The following GALNT2 variants were observed in gnomAD, a reference collection of about 807,000 sequenced individuals.
GALNT2 encodes polypeptide N-acetylgalactosaminyltransferase 2, also known as UDP-GalNAc:polypeptide N-acetylgalactosaminyltransferase 2.
In GALNT2, 31 loss-of-function variants were observed where a neutral mutation model predicts 81.4. The observed-to-expected ratio is 0.38, with a 90% CI of 0.29 to 0.51. GALNT2 has a LOEUF of 0.51. Among genes scored for constraint, GALNT2 ranks in the 20% least tolerant of loss-of-function variants. The probability of loss-of-function intolerance (pLI) is 0.87; values close to 1 mark genes in which losing one functional copy is unlikely to be tolerated. For missense variants in GALNT2, 629 were observed against 765.7 expected (o/e 0.82, Z 2.11); for synonymous variants, 303 against 287.4 (o/e 1.05, Z -0.55).
intron 3 of GALNT2, among the ~76,000 whole-genome samples, chr1:230,221,788 A>G (rs374427495): frequency 3.6e-4 from 55 of 152,228 alleles, no homozygotes; most frequent in African/African-American, 1.2e-3. Context: ...CAGTTTTTCT[A>G]TGCTTTACTT....
intron 1 of GALNT2, among the ~76,000 whole-genome samples, chr1:230,122,943 AATAACTT>A (rs1661064212): frequency 6.6e-6 from 1 of 152,108 alleles, no homozygotes; most frequent in Admixed American, 6.5e-5. Flanking sequence ...CCTTGTTATT[AATAACTT>A]GCTTGGGGCT....
At chr1:230,113,716 C>G (rs980544512) in intron 1 of GALNT2, among the ~76,000 whole-genome samples, 1 of 152,086 alleles carries the variant, frequency 6.6e-6, no homozygotes, top group African/African-American at 2.4e-5. Flanking sequence ...TGCTCTTCTC[C>G]TTGCCTTCAG....
chr1:230,114,796 C>T (rs1051271273), intron 1 of GALNT2, among the ~76,000 whole-genome samples: 4 of 152,130 alleles, frequency 2.6e-5, no homozygotes, highest in African/African-American at 7.2e-5. Context: ...CCATGTAGAA[C>T]GTGCAAATCT....
chr1:230,105,255 G>C (rs1056211832), intron 1 of GALNT2, among the ~76,000 whole-genome samples: 5 of 152,302 alleles, frequency 3.3e-5, no homozygotes, highest in Admixed American at 2.6e-4. Flanking sequence ...AGGTTCCCAG[G>C]GTTATTGAAG....
intron 3 of GALNT2, among the ~76,000 whole-genome samples, chr1:230,207,040 C>T (rs1271702470): frequency 6.6e-6 from 1 of 151,786 alleles, no homozygotes. Flanking sequence ...TCACCACCCA[C>T]ACACTGTGTA....
chr1:230,265,426 G>A (rs1279001006), intron 14 of GALNT2, 59 bp downstream of exon 14: 8 of 1,607,132 alleles, frequency 5.0e-6, no homozygotes, highest in East Asian at 2.2e-5. Context: ...AGTTGGGGGG[G>A]TCCTGATGTT....
At chr1:230,144,616 C>G (rs893200526) in intron 1 of GALNT2, among the ~76,000 whole-genome samples, 3 of 152,058 alleles carry the variant, frequency 2.0e-5, no homozygotes, top group Non-Finnish European at 4.4e-5. Context: ...TTTCGCCATG[C>G]TTATTTTGTC....
chr1:230,187,485 C>T (rs936859817), intron 2 of GALNT2, among the ~76,000 whole-genome samples: 3 of 147,500 alleles, frequency 2.0e-5, no homozygotes, highest in Non-Finnish European at 4.5e-5. Context: ...TCTGTGCAGC[C>T]CCCCGGCAGC....
chr1:230,277,726 G>A lies in GALNT2; in HGVS notation c.1561-1577G>A, dbSNP rs183349850. Among the ~76,000 whole-genome samples the A allele has an allele frequency of 5.3e-4, 81 of 152,270 alleles. 1 individual carries two copies. The highest frequency in any genetic ancestry group is 1.9e-3 in the African/African-American group (80 of 41,552). The stretch of plus-strand genomic sequence containing the variant: ...GCGCAGGTCGGGTCCCCAGCACTGG[G>A]CTCCTCTGCCTGCACCGGCTCCTCC... On this transcript the variant is annotated intron_variant, in intron 15 of 15. Coordinates refer to ENST00000366672, the MANE Select transcript of GALNT2 (RefSeq NM_004481.5).
chr1:230,136,509 A>C (rs1230184390), intron 1 of GALNT2, among the ~76,000 whole-genome samples: 1 of 152,148 alleles, frequency 6.6e-6, no homozygotes, highest in Non-Finnish European at 1.5e-5. Context: ...GTTCCAGCAC[A>C]TGCATGCACC....
intron 1 of GALNT2, among the ~76,000 whole-genome samples, chr1:230,104,783 G>A (rs988309541): frequency 1.3e-5 from 2 of 152,190 alleles, no homozygotes; most frequent in Admixed American, 6.5e-5. Flanking sequence ...TGAGTGCAGC[G>A]GCTGGCCCGT....
In GALNT2 at chr1:230,280,195, CAGAG is replaced by C. The variant is rs1666399992; in HGVS notation, c.*738_*741del. ...AGAGCCCGGTGGGGCCAGTTTCTCA[CAGAG>C]GGAGGAGGTGGCCTTTGTCCCCTGG... On this transcript the variant is annotated 3_prime_UTR_variant, in exon 16 of 16. Coordinates refer to ENST00000366672, the MANE Select transcript of GALNT2 (RefSeq NM_004481.5). The C allele has an allele frequency of 2.8e-6, 1 of 359,100 alleles. No individual in the cohort carries two copies. The highest frequency in any genetic ancestry group is 5.5e-6 in the Non-Finnish European group (1 of 182,096). 22.2% of individuals were successfully genotyped at this position (359,100 alleles called of 1,614,324 possible).
chr1:230,082,034 C>A (rs758419859), intron 1 of GALNT2, among the ~76,000 whole-genome samples: 2 of 152,200 alleles, frequency 1.3e-5, no homozygotes, highest in Non-Finnish European at 2.9e-5. Flanking sequence ...CTTCTCTGAC[C>A]CAGGACGGGT....
chr1:230,221,326 G>A (rs769966815), intron 3 of GALNT2, among the ~76,000 whole-genome samples: 21 of 152,200 alleles, frequency 1.4e-4, no homozygotes, highest in Admixed American at 1.2e-3. Flanking sequence ...TAATGCTAAC[G>A]TTGGGATGAA....
intron 1 of GALNT2, among the ~76,000 whole-genome samples, chr1:230,118,283 A>G (rs1660908567): frequency 6.6e-6 from 1 of 152,224 alleles, no homozygotes; most frequent in Non-Finnish European, 1.5e-5. Flanking sequence ...TTCACATTGT[A>G]GCAATTATGA....
At chr1:230,139,292 C>T (rs547508856) in intron 1 of GALNT2, among the ~76,000 whole-genome samples, 4 of 152,322 alleles carry the variant, frequency 2.6e-5, no homozygotes, top group South Asian at 4.1e-4. Flanking sequence ...TCTGAAGAAT[C>T]CCGATGTTAT....
intron 1 of GALNT2, among the ~76,000 whole-genome samples, chr1:230,173,904 A>AT (rs201717207): frequency 2.0e-4 from 30 of 149,516 alleles, no homozygotes; most frequent in Non-Finnish European, 2.2e-4. Flanking sequence ...TAGGGCGAGG[A>AT]TTTTTTTTTT....
At chr1:230,075,140 T>TTTTTG (rs1399602658) in intron 1 of GALNT2, among the ~76,000 whole-genome samples, 4,901 of 145,176 alleles carry the variant, frequency 0.034, 102 homozygotes, top group African/African-American at 0.089. Flanking sequence ...TTTTTTTTTT[T>TTTTTG]TTTGAGACAA....
intron 1 of GALNT2, among the ~76,000 whole-genome samples, chr1:230,123,889 C>G (rs1661096805): frequency 6.6e-6 from 1 of 152,160 alleles, no homozygotes; most frequent in East Asian, 1.9e-4. Context: ...ATACAGAAAC[C>G]AAACCCCCGA....
Sources: gnomAD v4.1 joint callset for allele counts (sites outside exome capture counted in the v4.1 genomes callset) on GRCh38, gnomAD v4.1.1 for gene constraint, MANE v1.5 for transcripts, NCBI Gene and HGNC (gene_info 2026-07-23, HGNC 2026-07-21) for gene names.